Variants in CFAP97D2 observed in about 807,000 individuals in gnomAD.
CFAP97D2 encodes the protein uncharacterized protein CFAP97D2.
intron 1 of CFAP97D2, among the ~76,000 whole-genome samples, chr13:114,188,516 G>A (rs113553167): frequency 0.16 from 24,321 of 152,054 alleles, 2,230 homozygotes; most frequent in Non-Finnish European, 0.2. Context: ...AGTGGCTCAT[G>A]CCTGTAATCC....
At chr13:114,191,413 A>G (rs2080869143) in intron 1 of CFAP97D2, among the ~76,000 whole-genome samples, 1 of 152,236 alleles carries the variant, frequency 6.6e-6, no homozygotes, top group Non-Finnish European at 1.5e-5. Flanking sequence ...GAACTCTTAA[A>G]ACTCAACAAT....
In CFAP97D2 at chr13:114,206,218, T is replaced by A. The variant is rs566618366; in HGVS notation, c.291-5694T>A. Among the ~76,000 whole-genome samples, 4 of 150,950 alleles carry A rather than the reference T, an allele frequency of 2.6e-5. No homozygotes were observed. In the South Asian group the frequency reaches 8.5e-4, roughly 32 times the overall value. ...TCCCAGTTCAAGTGATTCTCCTGCC[T>A]CAGCCTCCCGAGTAGCTGGGATTAC... On this transcript the variant is annotated intron_variant, in intron 3 of 4. Transcript: ENST00000646158.
intron 2 of CFAP97D2, 36 bp downstream of exon 2, chr13:114,196,512 C>G (rs2080888061): frequency 2.5e-6 from 1 of 398,864 alleles, no homozygotes; most frequent in East Asian, 3.6e-5. Flanking sequence ...AATGTAATAG[C>G]TAACTAGAAA....
At position 114,186,143 on chromosome 13, in the gene CFAP97D2, T is replaced by C. The variant is rs118071177; in HGVS notation, c.90+6723T>C. ...TATGATGGGGAGACGATGGGCTGAC[T>C]AGCTGCAGGGAGGAGCTACCCTCTC... is the stretch of plus-strand genomic sequence containing the variant. On this transcript the variant is annotated intron_variant, in intron 1 of 4. Coordinates refer to ENST00000646158, the Ensembl canonical transcript of CFAP97D2. This position sits in a 1 kb window ranked among gnomAD's most constrained non-coding sequence, Gnocchi z 4.3. Among the ~76,000 whole-genome samples the C allele has an allele frequency of 0.012, 1,766 of 152,234 alleles. 97 individuals are homozygous for C. Among genetic ancestry groups the C allele is most frequent in the Admixed American group, 0.081 (1,243 of 15,288 alleles).
At chr13:114,188,461 A>C (rs1450764057) in intron 1 of CFAP97D2, among the ~76,000 whole-genome samples, 2 of 152,096 alleles carry the variant, frequency 1.3e-5, no homozygotes, top group Admixed American at 1.3e-4. Flanking sequence ...AAAATCAATA[A>C]TCTAAGTTTT....
chr13:114,218,788 A>G (rs190664575), intron 4 of CFAP97D2, among the ~76,000 whole-genome samples: 2 of 152,336 alleles, frequency 1.3e-5, no homozygotes, highest in Admixed American at 6.5e-5. Flanking sequence ...AGGATTCCCT[A>G]TTTAATAAAT....
chr13:114,220,609 T>C (rs943200718), intron 4 of CFAP97D2, among the ~76,000 whole-genome samples: 2 of 152,258 alleles, frequency 1.3e-5, no homozygotes, highest in African/African-American at 4.8e-5. Context: ...CTGGCCATCC[T>C]GGCACTTCCT....
intron 4 of CFAP97D2, among the ~76,000 whole-genome samples, chr13:114,221,458 A>T (rs771088452): frequency 1.3e-5 from 2 of 152,192 alleles, no homozygotes; most frequent in African/African-American, 2.4e-5. Context: ...TTGAATAGAG[A>T]TTTCTCCCAA....
At chr13:114,195,602 C>T (rs1241937023) in intron 1 of CFAP97D2, among the ~76,000 whole-genome samples, 2 of 152,212 alleles carry the variant, frequency 1.3e-5, no homozygotes, top group Non-Finnish European at 2.9e-5. Flanking sequence ...ATACAGGTCT[C>T]ATGCATTTAA....
intron 1 of CFAP97D2, among the ~76,000 whole-genome samples, chr13:114,188,185 G>A (rs1246002992): frequency 2.0e-5 from 3 of 151,326 alleles, no homozygotes; most frequent in African/African-American, 7.3e-5. Flanking sequence ...TAGGGAGGCT[G>A]AGGCAGTAGA....
intron 4 of CFAP97D2, among the ~76,000 whole-genome samples, chr13:114,213,195 T>G (rs2080976054): frequency 6.6e-6 from 1 of 152,196 alleles, no homozygotes; most frequent in South Asian, 2.1e-4. Flanking sequence ...ATTGCTTTCC[T>G]TAAAATCCAG....
At chr13:114,183,316 G>A (rs2080843775) in intron 1 of CFAP97D2, among the ~76,000 whole-genome samples, 1 of 152,014 alleles carries the variant, frequency 6.6e-6, no homozygotes, top group Non-Finnish European at 1.5e-5. Flanking sequence ...ACAGTCGCGT[G>A]CCACCATGCC....
intron 3 of CFAP97D2, among the ~76,000 whole-genome samples, chr13:114,206,888 AG>A (rs781320402): frequency 3.9e-5 from 6 of 152,246 alleles, no homozygotes; most frequent in Non-Finnish European, 7.3e-5. Context: ...GCAAGGGACC[AG>A]GGTCACTGGA....
chr13:114,180,968 C>A (rs899518828), intron 1 of CFAP97D2, among the ~76,000 whole-genome samples: 5 of 152,160 alleles, frequency 3.3e-5, no homozygotes, highest in African/African-American at 1.2e-4. Flanking sequence ...TTGACTGGAG[C>A]CATGAGGCCC....
At chr13:114,181,951 A>T (rs550421645) in intron 1 of CFAP97D2, among the ~76,000 whole-genome samples, 2 of 152,096 alleles carry the variant, frequency 1.3e-5, no homozygotes, top group Non-Finnish European at 2.9e-5. Context: ...GGGTATTTCT[A>T]GTCGGGTGGG....
rs181564384 is a variant in CFAP97D2, at chr13:114,207,291, C to T, written c.291-4621C>T. ...CACCATTGAGGACGCTACTGGGATA[C>T]GGCATGGACAGCGAGGGGAGGGGTC... On this transcript the variant is annotated intron_variant, in intron 3 of 4. Coordinates refer to ENST00000646158, the Ensembl canonical transcript of CFAP97D2. This position sits in a 1 kb window ranked among gnomAD's most constrained non-coding sequence, Gnocchi z 4.9. 2.5e-4 allele frequency among the ~76,000 whole-genome samples: 38 copies of T among 152,280 alleles called. No individual in the cohort carries two copies. The Middle Eastern group carries it at 0.01, about 41-fold the overall frequency.
At position 114,193,327 on chromosome 13, in the gene CFAP97D2, G is replaced by T. The variant is rs373451933; in HGVS notation, c.91-3069G>T. The stretch of plus-strand genomic sequence containing the variant: ...GAAAATTTAGAAAACAATAAAAGCA[G>T]TGTCTGTATTAGTCCATTTGTGATG... On this transcript the variant is annotated intron_variant, in intron 1 of 4. Transcript: ENST00000646158. Among the ~76,000 whole-genome samples, 104 of 152,334 alleles carry T rather than the reference G, an allele frequency of 6.8e-4. 3 individuals carry two copies. The South Asian group carries it at 0.017, about 25-fold the overall frequency.
intron 1 of CFAP97D2, among the ~76,000 whole-genome samples, chr13:114,193,704 G>A (rs531528249): frequency 6.6e-5 from 10 of 152,248 alleles, no homozygotes; most frequent in African/African-American, 2.4e-4. Flanking sequence ...GACTGTTTGG[G>A]CTGCTATAAC....
At chr13:114,190,005 G>A (rs1304492923) in intron 1 of CFAP97D2, among the ~76,000 whole-genome samples, 2 of 151,918 alleles carry the variant, frequency 1.3e-5, no homozygotes, top group African/African-American at 4.8e-5. Context: ...TTAGCTAGGC[G>A]GTGGCTCATG....
Sources: allele counts gnomAD v4.1 joint callset (sites outside exome capture counted in the v4.1 genomes callset), GRCh38; gene constraint gnomAD v4.1.1; non-coding constraint Gnocchi (gnomAD v3.1); transcripts MANE v1.5; gene names NCBI Gene and HGNC (gene_info 2026-07-23, HGNC 2026-07-21).